Variants in SPOCK1 observed in about 807,000 individuals in gnomAD.
The protein encoded by SPOCK1 is testican-1.
Under a neutral mutation model 55.3 loss-of-function variants are expected in SPOCK1, and 23 were observed. The ratio of observed to expected loss-of-function variants is 0.42; its 90% CI spans 0.30 to 0.59. The LOEUF (loss-of-function observed/expected upper bound fraction) is 0.59. Ranked by LOEUF, SPOCK1 falls within the 20% of genes least tolerant of loss-of-function variation. The probability of loss-of-function intolerance (pLI) is 0.22; values close to 1 mark genes in which losing one functional copy is unlikely to be tolerated. For missense variants in SPOCK1, 499 were observed against 552.5 expected (o/e 0.90, Z 0.97); for synonymous variants, 226 against 221.0 (o/e 1.02, Z -0.20).
At chr5:137,445,201 ATT>A in intron 2 of SPOCK1, among the ~76,000 whole-genome samples, 1 of 151,956 alleles carries the variant, frequency 6.6e-6, no homozygotes, top group Non-Finnish European at 1.5e-5. Flanking sequence ...TGGGTATGCT[ATT>A]TTTCCTCTAC....
chr5:137,190,503 T>C (rs1209529803), intron 3 of SPOCK1, among the ~76,000 whole-genome samples: 1 of 152,208 alleles, frequency 6.6e-6, no homozygotes, highest in Non-Finnish European at 1.5e-5. Flanking sequence ...TTTTAAGATA[T>C]AATCCTACTG....
intron 5 of SPOCK1, among the ~76,000 whole-genome samples, chr5:137,095,608 G>A (rs1753132899): frequency 6.6e-6 from 1 of 152,208 alleles, no homozygotes; most frequent in African/African-American, 2.4e-5. Flanking sequence ...AACTCCCAGA[G>A]TAGCACCTGG....
intron 5 of SPOCK1, among the ~76,000 whole-genome samples, chr5:137,100,491 C>G (rs912191734): frequency 2.6e-5 from 4 of 152,182 alleles, no homozygotes; most frequent in Non-Finnish European, 4.4e-5. Flanking sequence ...GCATCCCACC[C>G]TCACTGATAC....
intron 3 of SPOCK1, among the ~76,000 whole-genome samples, chr5:137,192,895 G>A (rs547821246): frequency 6.6e-6 from 1 of 152,284 alleles, no homozygotes; most frequent in African/African-American, 2.4e-5. Context: ...ATACACATGG[G>A]CATGAAAAAT....
intron 2 of SPOCK1, among the ~76,000 whole-genome samples, chr5:137,318,911 A>C (rs1187136930): frequency 6.6e-6 from 1 of 152,210 alleles, no homozygotes; most frequent in Admixed American, 6.5e-5. Context: ...TCTGTAGGAA[A>C]TCAAAGTTCA....
intron 9 of SPOCK1, among the ~76,000 whole-genome samples, chr5:136,980,308 T>C (rs183738553): frequency 2.6e-4 from 40 of 152,346 alleles, no homozygotes; most frequent in African/African-American, 7.9e-4. Flanking sequence ...ACATTTTTAA[T>C]GTGAGAAAAT....
intron 2 of SPOCK1, among the ~76,000 whole-genome samples, chr5:137,274,996 T>C (rs1035671789): frequency 1.3e-5 from 2 of 152,232 alleles, no homozygotes; most frequent in Non-Finnish European, 1.5e-5. Context: ...AACAAATTAA[T>C]TAAAGTTTCA....
chr5:137,453,975 C>T (rs986188013), intron 2 of SPOCK1, among the ~76,000 whole-genome samples: 1 of 151,736 alleles, frequency 6.6e-6, no homozygotes, highest in African/African-American at 2.4e-5. Context: ...ATGCCATGCT[C>T]CCTAAGGACA....
chr5:137,326,109 T>C lies in SPOCK1; in HGVS notation c.187-59054A>G, dbSNP rs1298291900. ...CTATTGTGTCATATCTTGTGTAATA[T>C]CCATAGATGGACTCAAAGCACTGAT... On this transcript the variant is annotated intron_variant, in intron 2 of 10. Coordinates refer to ENST00000394945, the MANE Select transcript of SPOCK1 (RefSeq NM_004598.4). Among the ~76,000 whole-genome samples the C allele has an allele frequency of 2.0e-5, 3 of 152,092 alleles. No individual in the cohort carries two copies. The East Asian group carries it at 5.8e-4, about 29-fold the overall frequency.
chr5:137,302,052 GC>G (rs1757602044), intron 2 of SPOCK1, among the ~76,000 whole-genome samples: 1 of 152,158 alleles, frequency 6.6e-6, no homozygotes, highest in South Asian at 2.1e-4. Flanking sequence ...CTTATAAACA[GC>G]CTGAACTTAC....
chr5:137,221,253 A>G (rs2127087738), intron 3 of SPOCK1, among the ~76,000 whole-genome samples: 1 of 152,350 alleles, frequency 6.6e-6, no homozygotes, highest in South Asian at 2.1e-4. Flanking sequence ...GTAAATGACC[A>G]ATGAGTTATA....
At chr5:137,304,116 A>G (rs1757658227) in intron 2 of SPOCK1, among the ~76,000 whole-genome samples, 1 of 151,716 alleles carries the variant, frequency 6.6e-6, no homozygotes, top group Admixed American at 6.6e-5. Context: ...TACTCATTAC[A>G]GAAGAATCAA....
At chr5:137,304,446 T>A (rs567592397) in intron 2 of SPOCK1, among the ~76,000 whole-genome samples, 3 of 152,212 alleles carry the variant, frequency 2.0e-5, no homozygotes, top group East Asian at 1.9e-4. Flanking sequence ...GCCAAGTTTA[T>A]CAGTTTGAAG....
intron 2 of SPOCK1, among the ~76,000 whole-genome samples, chr5:137,466,204 C>A (rs1169440401): frequency 6.6e-6 from 1 of 152,228 alleles, no homozygotes; most frequent in Non-Finnish European, 1.5e-5. Flanking sequence ...AAGCCACCAT[C>A]TTTTGTGTTC....
intron 5 of SPOCK1, among the ~76,000 whole-genome samples, chr5:137,092,800 C>T (rs1370330829): frequency 6.6e-6 from 1 of 152,192 alleles, no homozygotes; most frequent in Admixed American, 6.5e-5. Flanking sequence ...TGTAGTAGTC[C>T]ATTTGCTGTT....
chr5:137,326,955 A>G (rs911354373), intron 2 of SPOCK1, among the ~76,000 whole-genome samples: 126 of 152,338 alleles, frequency 8.3e-4, no homozygotes, highest in African/African-American at 3.0e-3. Context: ...TTCTGACATC[A>G]TCCAAAAGAG....
chr5:137,371,087 C>T (rs962915385), intron 2 of SPOCK1, among the ~76,000 whole-genome samples: 1 of 152,244 alleles, frequency 6.6e-6, no homozygotes, highest in Non-Finnish European at 1.5e-5. Context: ...GGCTTACACC[C>T]TCTCCAGTGT....
At chr5:137,104,532 T>A (rs1332304200) in intron 5 of SPOCK1, among the ~76,000 whole-genome samples, 8 of 152,224 alleles carry the variant, frequency 5.3e-5, no homozygotes. Context: ...CATGGACTGC[T>A]ACTGGTCTGT....
intron 6 of SPOCK1, among the ~76,000 whole-genome samples, chr5:137,052,772 T>C (rs1752229328): frequency 6.6e-6 from 1 of 152,226 alleles, no homozygotes; most frequent in South Asian, 2.1e-4. Context: ...GTAAAGATTT[T>C]TAAATAGTAT....
Sources: allele counts gnomAD v4.1 joint callset (sites outside exome capture counted in the v4.1 genomes callset), GRCh38; gene constraint gnomAD v4.1.1; transcripts MANE v1.5; gene names NCBI Gene and HGNC (gene_info 2026-07-23, HGNC 2026-07-21).